RORB: variants seen among roughly 807,000 people sequenced by gnomAD.
The protein encoded by RORB is RAR related orphan receptor B, also known as nuclear receptor ROR-beta.
A neutral mutation model predicts 59.1 loss-of-function variants in RORB; 6 were observed. That is an observed-to-expected ratio of 0.10 (90% confidence interval 0.06 to 0.20). The LOEUF (loss-of-function observed/expected upper bound fraction) is 0.20. Ranked by LOEUF, RORB falls within the 10% of genes least tolerant of loss-of-function variation. The probability of loss-of-function intolerance (pLI) is 1.00; values close to 1 mark genes in which losing one functional copy is unlikely to be tolerated. For missense variants in RORB, 320 were observed against 560.5 expected, an observed-to-expected ratio of 0.57 and a Z score of 4.33; for synonymous variants, 215 against 204.5, an observed-to-expected ratio of 1.05 and a Z score of -0.44.
intron 1 of RORB, among the ~76,000 whole-genome samples, chr9:74,603,559 T>C (rs1017240592): frequency 2.0e-5 from 3 of 152,240 alleles, no homozygotes; most frequent in African/African-American, 7.2e-5. Flanking sequence ...CAGGCAAGAC[T>C]CTAATTAACT....
intron 1 of RORB, among the ~76,000 whole-genome samples, chr9:74,560,195 G>A (rs1325253511): frequency 2.6e-5 from 4 of 152,132 alleles, no homozygotes; most frequent in Non-Finnish European, 5.9e-5. Context: ...TCCATCTCTA[G>A]AAGCATCCTT....
chr9:74,512,248 C>T lies in RORB; in HGVS notation c.7+14265C>T, dbSNP rs541893221. Among the ~76,000 whole-genome samples, 143 of 152,214 alleles carry T rather than the reference C, an allele frequency of 9.4e-4. 1 individual carries two copies. Among genetic ancestry groups the T allele is most frequent in the African/African-American group, 3.3e-3 (136 of 41,544 alleles). On this transcript the variant is annotated intron_variant, in intron 1 of 9. Transcript: ENST00000376896. ...CTGACAAAGCTGCAAGACTGCAATT[C>T]CTAAGGATGTTAAAGAATATCAACA...
Position 74,642,791 on chromosome 9 carries a change from C to G in RORB, c.613C>G (p.Pro205Ala). 1.3e-6 allele frequency: 2 copies of G among 1,594,832 alleles called. No individual in the cohort carries two copies. The highest frequency in any genetic ancestry group is 8.6e-7 in the Non-Finnish European group (1 of 1,167,390). Residue 205 changes from proline to alanine, a missense_variant, in exon 4 of 10, where the codon CCA becomes GCA. Pro to Ala is a conservative substitution (Grantham distance 27). Around this residue, in one of 4 missense-constraint regions of RORB, gnomAD observed 134 missense variants for 156.2 expected, o/e 0.86. Transcript: ENST00000376896. ...CTCTTTCAACAATGGGCAGTTAGCA[C>G]CAGGGATAACCATGACTGAAATCGG... Reference protein sequence around the residue: ...YSSFNNGQLAPGITMTEIDRI... With the variant: ...YSSFNNGQLAAGITMTEIDRI...
At chr9:74,554,147 A>C (rs1270740659) in intron 1 of RORB, among the ~76,000 whole-genome samples, 1 of 152,168 alleles carries the variant, frequency 6.6e-6, no homozygotes, top group Non-Finnish European at 1.5e-5. Context: ...CCACTGATTT[A>C]CTCCAAACTC....
chr9:74,608,427 G>A (rs1433689654), intron 1 of RORB, among the ~76,000 whole-genome samples: 1 of 152,020 alleles, frequency 6.6e-6, no homozygotes, highest in Non-Finnish European at 1.5e-5. Flanking sequence ...AGCCGGGCGT[G>A]GTGGCGGGCA....
chr9:74,497,980 C>T lies in RORB; in HGVS notation c.4C>T (p.Arg2Ter). The T allele has an allele frequency of 6.2e-7, 1 of 1,611,080 alleles. No homozygotes were observed. ...GGAGCGGGAGAGCGGCCACACCATG[C>T]GAGGTAAGCGAGTCTGCGGGCACCG... The part of the protein sequence containing the change: M[R>*]AQIEVIPCKI... The change falls in exon 1 of 10, where the codon CGA becomes TGA. Residue 2 changes from arginine (R) to a stop codon, truncating the protein, a stop_gained. Coordinates refer to ENST00000376896, the MANE Select transcript of RORB (RefSeq NM_006914.4). LOFTEE classifies it high-confidence loss of function.
chr9:74,665,440 A>G, intron 6 of RORB, 48 bp from the exon 7 acceptor site: 2 of 1,144,840 alleles, frequency 1.7e-6, no homozygotes, highest in Non-Finnish European at 2.5e-6. Flanking sequence ...ATTATTGGAT[A>G]TATATGTGTA....
intron 1 of RORB, among the ~76,000 whole-genome samples, chr9:74,541,882 A>G (rs1826412695): frequency 6.6e-6 from 1 of 152,316 alleles, no homozygotes; most frequent in African/African-American, 2.4e-5. Context: ...CCTCCATGAC[A>G]TTAGATAATT....
chr9:74,653,714 C>A (rs901913758), intron 4 of RORB, among the ~76,000 whole-genome samples: 12 of 152,094 alleles, frequency 7.9e-5, no homozygotes, highest in Non-Finnish European at 4.4e-5. Context: ...TCAACTTTCC[C>A]CACTCCCAGG....
chr9:74,646,045 C>T (rs1823892335), intron 4 of RORB, among the ~76,000 whole-genome samples: 2 of 151,706 alleles, frequency 1.3e-5, no homozygotes, highest in Admixed American at 6.6e-5. Context: ...TGGCAAGCTG[C>T]CATAGAAAAA....
chr9:74,563,246 C>A (rs1456748923), intron 1 of RORB, among the ~76,000 whole-genome samples: 3 of 147,756 alleles, frequency 2.0e-5, no homozygotes, highest in Non-Finnish European at 4.4e-5. Context: ...AGTGCAGTAG[C>A]ACAATCTCGG....
At chr9:74,568,484 G>A (rs905847615) in intron 1 of RORB, among the ~76,000 whole-genome samples, 45 of 152,034 alleles carry the variant, frequency 3.0e-4, no homozygotes, top group African/African-American at 1.0e-3. Flanking sequence ...GGTGGATAAT[G>A]AGGTCAGGAG....
intron 4 of RORB, among the ~76,000 whole-genome samples, chr9:74,659,484 G>GTT (rs1038114250): frequency 6.6e-6 from 1 of 151,846 alleles, no homozygotes; most frequent in African/African-American, 2.4e-5. Flanking sequence ...CAGCAGGCTT[G>GTT]TTTTGTTTTG....
chr9:74,648,847 G>A (rs549419710), intron 4 of RORB, among the ~76,000 whole-genome samples: 14 of 152,280 alleles, frequency 9.2e-5, no homozygotes, highest in African/African-American at 2.9e-4. Context: ...ATTAAAGAGT[G>A]AGCTGCTGTA....
intron 1 of RORB, among the ~76,000 whole-genome samples, chr9:74,570,973 A>G (rs1822541913): frequency 6.6e-6 from 1 of 151,080 alleles, no homozygotes; most frequent in African/African-American, 2.4e-5. Context: ...AATAAATAAT[A>G]TAATTAATTA....
chr9:74,552,126 AG>A (rs1184850684), intron 1 of RORB, among the ~76,000 whole-genome samples: 2 of 152,168 alleles, frequency 1.3e-5, no homozygotes, highest in African/African-American at 2.4e-5. Flanking sequence ...CTTCGACTAA[AG>A]GGTGGAGGTA....
At chr9:74,520,148 GA>G (rs542821218) in intron 1 of RORB, among the ~76,000 whole-genome samples, 31 of 149,160 alleles carry the variant, frequency 2.1e-4, no homozygotes, top group South Asian at 4.2e-4. Flanking sequence ...AGAAAAGAAA[GA>G]AAAAAAAAAT....
chr9:74,629,817 T>G (rs1222190391), intron 1 of RORB, among the ~76,000 whole-genome samples: 3 of 152,214 alleles, frequency 2.0e-5, no homozygotes, highest in South Asian at 2.1e-4. Flanking sequence ...ACACAATGTA[T>G]AAAGCTACCA....
At chr9:74,592,588 A>G (rs529977984) in intron 1 of RORB, among the ~76,000 whole-genome samples, 3 of 152,264 alleles carry the variant, frequency 2.0e-5, no homozygotes, top group East Asian at 3.9e-4. Flanking sequence ...CCAGACCCAA[A>G]TGGCTAGTAA....
Sources: gnomAD v4.1 joint callset for allele counts (sites outside exome capture counted in the v4.1 genomes callset) on GRCh38, gnomAD v4.1.1 for gene constraint, gnomAD v4.1.1 regional missense constraint, MANE v1.5 for transcripts, NCBI Gene and HGNC (gene_info 2026-07-23, HGNC 2026-07-21) for gene names.